SLC24A3: variants seen among roughly 807,000 people sequenced by gnomAD.
SLC24A3 encodes solute carrier family 24 member 3.
SLC24A3 carries 28 observed loss-of-function variants against 75.8 expected under a neutral mutation model. The ratio of observed to expected loss-of-function variants is 0.37; its 90% CI spans 0.27 to 0.51. SLC24A3 has a LOEUF of 0.51. Ranked by LOEUF, SLC24A3 falls within the 20% of genes least tolerant of loss-of-function variation. SLC24A3 has a pLI of 0.94. For missense variants in SLC24A3, 663 were observed against 847.8 expected, an observed-to-expected ratio of 0.78 and a Z score of 2.71; for synonymous variants, 372 against 334.1, an observed-to-expected ratio of 1.11 and a Z score of -1.24.
intron 2 of SLC24A3, among the ~76,000 whole-genome samples, chr20:19,384,382 A>G (rs935009606): frequency 6.6e-5 from 10 of 152,190 alleles, no homozygotes; most frequent in Non-Finnish European, 1.2e-4. Context: ...TGCTGCTTCC[A>G]GGAGCTTGAC....
intron 2 of SLC24A3, among the ~76,000 whole-genome samples, chr20:19,361,538 C>G (rs1330673039): frequency 6.6e-6 from 1 of 152,182 alleles, no homozygotes; most frequent in African/African-American, 2.4e-5. Flanking sequence ...CAGCAATACT[C>G]TTTATTTTGA....
intron 6 of SLC24A3, among the ~76,000 whole-genome samples, chr20:19,623,764 G>T (rs1392506781): frequency 6.6e-6 from 1 of 152,140 alleles, no homozygotes; most frequent in African/African-American, 2.4e-5. Flanking sequence ...AATATCCAGT[G>T]GTGGGTGGAG....
intron 1 of SLC24A3, among the ~76,000 whole-genome samples, chr20:19,238,449 T>TG (rs1982231633): frequency 6.6e-6 from 1 of 152,230 alleles, no homozygotes; most frequent in Non-Finnish European, 1.5e-5. Flanking sequence ...CGCCATCACT[T>TG]GCATGTATTT....
rs746887855 is a variant in SLC24A3 at position 19,721,129 on chromosome 20, G to A, written c.1924G>A (p.Gly642Arg). 1.4e-5 allele frequency: 22 copies of A among 1,613,902 alleles called. No individual in the cohort carries two copies. Among genetic ancestry groups the A allele is most frequent in the Non-Finnish European group, 1.6e-5 (19 of 1,179,996 alleles). Residue 642 changes from glycine (G) to arginine (R), a missense_variant, in exon 17 of 17, where the codon GGG becomes AGG. Physicochemically the swap from Gly to Arg is moderately radical, Grantham distance 125. Coordinates refer to ENST00000328041, the MANE Select transcript of SLC24A3 (RefSeq NM_020689.4). The stretch of plus-strand genomic sequence containing the variant: ...CACCTTTGTGAACCTGCCCATGTGC[G>A]GGGACCACTGAGCCGCCGGGTGCCC... ...VFTFVNLPMC[G>R]DH
At chr20:19,215,702 T>G (rs1981535095) in intron 1 of SLC24A3, among the ~76,000 whole-genome samples, 1 of 152,242 alleles carries the variant, frequency 6.6e-6, no homozygotes, top group Non-Finnish European at 1.5e-5. Flanking sequence ...TAGAGATGTG[T>G]GATAATTATA....
At chr20:19,455,085 C>T (rs966298332) in intron 2 of SLC24A3, among the ~76,000 whole-genome samples, 1 of 152,128 alleles carries the variant, frequency 6.6e-6, no homozygotes, top group South Asian at 2.1e-4. Flanking sequence ...ATTTCATGCC[C>T]ATTCCCAAGC....
chr20:19,547,499 G>T (rs938852396), intron 3 of SLC24A3, among the ~76,000 whole-genome samples: 5 of 152,316 alleles, frequency 3.3e-5, no homozygotes, highest in Admixed American at 6.5e-5. Context: ...AATGACAAGT[G>T]TACACCTACA....
chr20:19,700,774 C>G (rs565631123), intron 15 of SLC24A3, among the ~76,000 whole-genome samples: 5 of 152,218 alleles, frequency 3.3e-5, no homozygotes, highest in African/African-American at 1.2e-4. Flanking sequence ...TCAAGGTGAC[C>G]TATTATTACA....
At chr20:19,214,354 G>C (rs1286827432) in intron 1 of SLC24A3, among the ~76,000 whole-genome samples, 1 of 152,160 alleles carries the variant, frequency 6.6e-6, no homozygotes, top group Non-Finnish European at 1.5e-5. Context: ...ATCTCTCCCA[G>C]GGCAGATTCA....
intron 3 of SLC24A3, among the ~76,000 whole-genome samples, chr20:19,545,705 T>C (rs2122592365): frequency 6.6e-6 from 1 of 152,288 alleles, no homozygotes; most frequent in Non-Finnish European, 1.5e-5. Context: ...TGGGACAAAA[T>C]GCAATGACTG....
At chr20:19,670,589 T>C (rs2032454432) in intron 8 of SLC24A3, among the ~76,000 whole-genome samples, 2 of 152,364 alleles carry the variant, frequency 1.3e-5, no homozygotes, top group South Asian at 4.1e-4. Context: ...TTAAAGTTGA[T>C]TCATTTTCTG....
At chr20:19,639,628 C>T (rs1394042700) in intron 6 of SLC24A3, among the ~76,000 whole-genome samples, 1 of 152,252 alleles carries the variant, frequency 6.6e-6, no homozygotes, top group Non-Finnish European at 1.5e-5. Flanking sequence ...CGCTGTGCAG[C>T]CGCACTCCTC....
chr20:19,235,073 C>A (rs950649977), intron 1 of SLC24A3, among the ~76,000 whole-genome samples: 4 of 152,234 alleles, frequency 2.6e-5, no homozygotes, highest in Non-Finnish European at 4.4e-5. Flanking sequence ...ATACTTGACT[C>A]ATTTCTTATA....
At chr20:19,705,819 T>C (rs964092498) in intron 15 of SLC24A3, among the ~76,000 whole-genome samples, 19 of 152,352 alleles carry the variant, frequency 1.2e-4, no homozygotes, top group Non-Finnish European at 2.6e-4. Flanking sequence ...GAAGGATGAA[T>C]GCAGTTTTAC....
chr20:19,721,194 C>T lies in SLC24A3; in HGVS notation c.*54C>T. ...CCTTCTTTTCTGTGCAATACGAGAC[C>T]CGGCCGCACCCCGAGTCACACAGGC... On this transcript the variant is annotated 3_prime_UTR_variant, in exon 17 of 17. Transcript: ENST00000328041. 6.2e-7 allele frequency: 1 copy of T among 1,600,088 alleles called. No individual in the cohort carries two copies.
At chr20:19,288,181 G>A (rs1354624760) in intron 2 of SLC24A3, among the ~76,000 whole-genome samples, 1 of 152,212 alleles carries the variant, frequency 6.6e-6, no homozygotes, top group African/African-American at 2.4e-5. Flanking sequence ...ATTCTTACAG[G>A]TTGGGCTGCG....
chr20:19,701,967 GTTAT>G (rs1404432715), intron 15 of SLC24A3, among the ~76,000 whole-genome samples: 1 of 152,202 alleles, frequency 6.6e-6, no homozygotes, highest in Non-Finnish European at 1.5e-5. Flanking sequence ...GATCCATGAT[GTTAT>G]TTCTTATTTT....
At chr20:19,362,427 G>T (rs1985806370) in intron 2 of SLC24A3, among the ~76,000 whole-genome samples, 1 of 152,184 alleles carries the variant, frequency 6.6e-6, no homozygotes, top group Admixed American at 6.5e-5. Flanking sequence ...GCTTTTTCGT[G>T]ACAAGTGGAA....
intron 2 of SLC24A3, among the ~76,000 whole-genome samples, chr20:19,427,438 G>A (rs544578112): frequency 3.9e-4 from 59 of 152,296 alleles, no homozygotes; most frequent in Non-Finnish European, 7.1e-4. Context: ...AATATATTGA[G>A]CATATTATGT....
Sources: allele counts gnomAD v4.1 joint callset (sites outside exome capture counted in the v4.1 genomes callset), GRCh38; gene constraint gnomAD v4.1.1; transcripts MANE v1.5; gene names NCBI Gene and HGNC (gene_info 2026-07-23, HGNC 2026-07-21).